Variants in MACF1 observed in about 807,000 individuals in gnomAD.
MACF1 encodes microtubule-actin cross-linking factor 1.
In MACF1, 193 loss-of-function variants were observed where a neutral mutation model predicts 854.8. That is an observed-to-expected ratio of 0.23 (90% confidence interval 0.20 to 0.25). The LOEUF is 0.25. MACF1 is among the 10% of genes least tolerant of loss of function. The probability of loss-of-function intolerance (pLI) is 1.00; values close to 1 mark genes in which losing one functional copy is unlikely to be tolerated. For missense variants in MACF1, 7,722 were observed against 8,929.1 expected (o/e 0.86, Z 5.45); for synonymous variants, 3,185 against 3,226.7 (o/e 0.99, Z 0.44).
At chr1:39,234,336 G>A (rs912707787) in intron 2 of MACF1, among the ~76,000 whole-genome samples, 1 of 151,850 alleles carries the variant, frequency 6.6e-6, no homozygotes, top group Non-Finnish European at 1.5e-5. Flanking sequence ...TGGCCGGGCA[G>A]AGGGGCTCCT....
intron 2 of MACF1, among the ~76,000 whole-genome samples, chr1:39,247,159 G>A (rs1306022556): frequency 3.0e-5 from 4 of 132,052 alleles, no homozygotes; most frequent in Admixed American, 1.9e-4. Flanking sequence ...TGCAAGCTCC[G>A]CCTCCCGAGT....
In MACF1 at chr1:39,334,903, A is replaced by C; in HGVS notation, c.8315A>C (p.Gln2772Pro). ...DSSEFSDHRA[Q>P]IEKQEGIEVC... Reference sequence around the variant, plus strand: ...TCAGAGTTCAGCGATCACAGGGCTCAGATTGAAAAGCAAGAAGGGATTGAA... The same window carrying C: ...TCAGAGTTCAGCGATCACAGGGCTCCGATTGAAAAGCAAGAAGGGATTGAA... The change falls in exon 37 of 101, where the codon CAG becomes CCG. Residue 2772 changes from glutamine to proline, a missense_variant. Physicochemically the swap from Gln to Pro is moderately conservative, Grantham distance 76. Coordinates refer to ENST00000564288, the MANE Select transcript of MACF1 (RefSeq NM_001394062.1). 6.2e-7 allele frequency: 1 copy of C among 1,614,218 alleles called. No individual in the cohort carries two copies. The highest frequency in any genetic ancestry group is 8.5e-7 in the Non-Finnish European group (1 of 1,180,014).
rs919741059 is a variant in MACF1 at position 39,381,494 on chromosome 1, G to A, written c.13649-459G>A. ...CAATCTTCCTGCTTCAGCCTCCTGA[G>A]TAGGTGGGACCACAAGCATGTGCTA... On this transcript the variant is annotated intron_variant, in intron 55 of 100. Transcript: ENST00000564288. Among the ~76,000 whole-genome samples, 17 of 151,332 alleles carry A rather than the reference G, an allele frequency of 1.1e-4. No homozygotes were observed. In the Admixed American group the frequency reaches 1.1e-3, roughly 10 times the overall value.
At chr1:39,257,910 G>A (rs779541049) in intron 5 of MACF1, 26 bp from the exon 6 acceptor site, 39 of 1,548,176 alleles carry the variant, frequency 2.5e-5, no homozygotes, top group Non-Finnish European at 3.3e-5. Flanking sequence ...CTAGAGCTCT[G>A]AGCCGTGCTT....
At chr1:39,244,429 C>T (rs1397254706) in intron 2 of MACF1, among the ~76,000 whole-genome samples, 3 of 151,902 alleles carry the variant, frequency 2.0e-5, no homozygotes, top group Admixed American at 6.6e-5. Flanking sequence ...TTACAGGTGC[C>T]TGCCACCACA....
chr1:39,411,343 A>G, intron 58 of MACF1: 1 of 1,614,048 alleles, frequency 6.2e-7, no homozygotes, highest in Non-Finnish European at 8.5e-7. Flanking sequence ...CCTGGCAGAT[A>G]TTTTTGAAGA....
At chr1:39,182,586 A>G (rs566600190) in intron 2 of MACF1, among the ~76,000 whole-genome samples, 1 of 152,234 alleles carries the variant, frequency 6.6e-6, no homozygotes. Context: ...ACAAATGGCT[A>G]ATAAGCACAT....
chr1:39,316,475 A>C lies in MACF1; in HGVS notation c.3534A>C (p.Glu1178Asp). The part of the protein sequence containing the change: ...VKGYEIKLSQ[E>D]EVVLADLSAL... The stretch of plus-strand genomic sequence containing the variant: ...GTTATGAGATTAAGCTGAGTCAAGA[A>C]GAAGTAGTACTGGCAGATCTCTCAG... The change falls in exon 28 of 101, where the codon GAA (glutamate) becomes GAC (aspartate). Residue 1178 changes from glutamate (E) to aspartate (D), a missense_variant. Around this residue, in one of 15 missense-constraint regions of MACF1, gnomAD observed 1,137 missense variants for 1,263.0 expected, o/e 0.90. Transcript: ENST00000564288. 1.2e-6 allele frequency: 2 copies of C among 1,614,014 alleles called. No homozygotes were observed. The highest frequency in any genetic ancestry group is 1.7e-6 in the Non-Finnish European group (2 of 1,179,904).
chr1:39,107,529 C>T (rs1642277204), intron 2 of MACF1, among the ~76,000 whole-genome samples: 1 of 152,136 alleles, frequency 6.6e-6, no homozygotes, highest in Admixed American at 6.6e-5. Flanking sequence ...AGAACAATCT[C>T]TCTTCCCCCC....
rs1460291023 is a variant in MACF1, at chr1:39,409,485, A to G, written c.15817-12889A>G. The G allele has an allele frequency of 1.3e-5, 2 of 152,002 alleles. No individual in the cohort carries two copies. The highest frequency in any genetic ancestry group is 4.8e-5 in the African/African-American group (2 of 41,344). The allele number at this position is 152,002 out of a possible 1,614,324, so 9.4% of individuals were successfully genotyped here. On this transcript the variant is annotated intron_variant, in intron 58 of 100. Transcript: ENST00000564288. This position sits in a 1 kb window ranked among gnomAD's most constrained non-coding sequence, Gnocchi z 4.2. ...GCGGGGAAGCGGGCCGTGCTGAGCG[A>G]GCCCCTCCGACAGACCCGCGGCCGC...
chr1:39,187,961 C>T (rs1644198787), intron 2 of MACF1, among the ~76,000 whole-genome samples: 1 of 90,302 alleles, frequency 1.1e-5, no homozygotes, highest in Admixed American at 1.3e-4. Context: ...CCCTTCCCTC[C>T]CCTCCTCTCC....
At chr1:39,411,588 A>G in intron 58 of MACF1, 1 of 1,613,828 alleles carries the variant, frequency 6.2e-7, no homozygotes, top group Non-Finnish European at 8.5e-7. Context: ...GGTTAGAGGG[A>G]CTTGTTTCAG....
rs189607324 is a variant in MACF1 at position 39,084,791 on chromosome 1, T to C, written c.220+353T>C. 5.9e-5 allele frequency among the ~76,000 whole-genome samples: 9 copies of C among 152,322 alleles called. No homozygotes were observed. The highest frequency in any genetic ancestry group is 2.2e-4 in the African/African-American group (9 of 41,572). On this transcript the variant is annotated intron_variant, in intron 2 of 93. Transcript: ENST00000361689. The surrounding 1 kb of genome is among the most constrained non-coding windows in gnomAD (Gnocchi z 5.2). ...TCTTATATTAAAAAGATTTTCCATATTGCACTTTAGACTTTATGGTTACCA... is the reference window on the plus strand; with the variant it reads ...TCTTATATTAAAAAGATTTTCCATACTGCACTTTAGACTTTATGGTTACCA...
At chr1:39,180,277 C>T (rs1418272277) in intron 2 of MACF1, among the ~76,000 whole-genome samples, 1 of 151,978 alleles carries the variant, frequency 6.6e-6, no homozygotes, top group African/African-American at 2.4e-5. Flanking sequence ...GGTACTAATG[C>T]AAAGATTTAT....
At chr1:39,133,015 A>C (rs1643048001) in intron 2 of MACF1, among the ~76,000 whole-genome samples, 1 of 152,102 alleles carries the variant, frequency 6.6e-6, no homozygotes, top group African/African-American at 2.4e-5. Flanking sequence ...CACATCCGCT[A>C]CTCAGCCCTT....
At position 39,233,808 on chromosome 1, in the gene MACF1, T is replaced by TTTTTTTTTTTTTTTTTTTA. The variant is rs755591226; in HGVS notation, c.171+2565_171+2566insTTTTTTTTTTTTTTTTTTA. ...TTTTTTTTTTTTTTTATTTATTTTT[T>TTTTTTTTTTTTTTTTTTTA]ATTGATAATTCTTGGGTGTTTCTCA... On this transcript the variant is annotated intron_variant, in intron 2 of 100. Coordinates refer to ENST00000564288, the MANE Select transcript of MACF1 (RefSeq NM_001394062.1). 1.2e-4 allele frequency among the ~76,000 whole-genome samples: 8 copies of TTTTTTTTTTTTTTTTTTTA among 65,850 alleles called. 2 individuals carry two copies. The highest frequency in any genetic ancestry group is 2.3e-4 in the Non-Finnish European group (7 of 30,146). 43.2% of individuals were successfully genotyped at this position (65,850 alleles called of 152,430 possible).
intron 27 of MACF1, 53 bp downstream of exon 27, chr1:39,315,744 A>T: frequency 6.4e-7 from 1 of 1,554,624 alleles, no homozygotes; most frequent in African/African-American, 1.4e-5. Context: ...TTGGGATAAG[A>T]AAGAGAAAGG....
In MACF1 at chr1:39,442,439, C is replaced by T. The variant is rs1482154923; in HGVS notation, c.18976C>T (p.Leu6326Phe). 1 of 1,614,138 alleles carries T rather than the reference C, an allele frequency of 6.2e-7. No individual in the cohort carries two copies. The highest frequency in any genetic ancestry group is 1.7e-5 in the Admixed American group (1 of 60,018). ...QHKLEGALLA[L>F]GQFQHALEEL... ...CAAACTAGAAGGGGCTCTGTTGGCC[C>T]TTGGTCAGTTCCAGCATGCCTTAGA... The change falls in exon 77 of 101, where the codon CTT becomes TTT. Residue 6326 changes from leucine (L) to phenylalanine (F), a missense_variant. By Grantham distance (22) the Leu-to-Phe change is conservative. Coordinates refer to ENST00000564288, the MANE Select transcript of MACF1 (RefSeq NM_001394062.1).
intron 2 of MACF1, among the ~76,000 whole-genome samples, chr1:39,119,317 CAAAAAAAAAA>C (rs745686071): frequency 1.2e-5 from 1 of 84,762 alleles, no homozygotes; most frequent in Non-Finnish European, 2.3e-5. Flanking sequence ...AACTCCGTCT[CAAAAAAAAAA>C]AAAAAAAAAA....
Sources: allele counts gnomAD v4.1 joint callset (sites outside exome capture counted in the v4.1 genomes callset), GRCh38; gene constraint gnomAD v4.1.1; regional missense constraint gnomAD v4.1.1; non-coding constraint Gnocchi (gnomAD v3.1); transcripts MANE v1.5; gene names NCBI Gene and HGNC (gene_info 2026-07-23, HGNC 2026-07-21).